Variants in PTPRN2 observed in about 807,000 individuals in gnomAD.
The protein encoded by PTPRN2 is receptor-type tyrosine-protein phosphatase N2.
Under a neutral mutation model 118.8 loss-of-function variants are expected in PTPRN2, and 74 were observed. The observed-to-expected ratio is 0.62, with a 90% CI of 0.52 to 0.76. The LOEUF is 0.76. Among genes scored for constraint, PTPRN2 ranks in the 30% least tolerant of loss-of-function variants. The probability of loss-of-function intolerance (pLI) is 0.00; values close to 1 mark genes in which losing one functional copy is unlikely to be tolerated. For missense variants in PTPRN2, 1,481 were observed against 1,394.4 expected (o/e 1.06, Z -0.99); for synonymous variants, 641 against 608.0 (o/e 1.05, Z -0.80).
chr7:158,249,344 C>T (rs1585979863), intron 3 of PTPRN2, among the ~76,000 whole-genome samples: 2 of 148,708 alleles, frequency 1.3e-5, no homozygotes, highest in South Asian at 4.4e-4. Context: ...CATGCACACA[C>T]ATCACACACA....
intron 12 of PTPRN2, among the ~76,000 whole-genome samples, chr7:157,738,303 C>T (rs574418805): frequency 1.1e-4 from 16 of 152,244 alleles, no homozygotes; most frequent in African/African-American, 3.4e-4. Flanking sequence ...GGGAAGGAGG[C>T]GCCCCAGAGG....
At chr7:158,274,548 C>T (rs1018202748) in intron 3 of PTPRN2, among the ~76,000 whole-genome samples, 1 of 152,138 alleles carries the variant, frequency 6.6e-6, no homozygotes, top group Non-Finnish European at 1.5e-5. Flanking sequence ...GAGCCACAGA[C>T]ACCCTCACAC....
At chr7:157,892,551 C>T (rs751547353) in intron 12 of PTPRN2, among the ~76,000 whole-genome samples, 12 of 152,080 alleles carry the variant, frequency 7.9e-5, no homozygotes, top group Non-Finnish European at 1.5e-4. Context: ...TTGCATTAAA[C>T]GCAAGCGCAG....
At chr7:157,906,695 ACT>A (rs1272374548) in intron 11 of PTPRN2, among the ~76,000 whole-genome samples, 1 of 152,096 alleles carries the variant, frequency 6.6e-6, no homozygotes, top group Non-Finnish European at 1.5e-5. Flanking sequence ...ACTACTGTGC[ACT>A]GTGAGCCTTT....
intron 11 of PTPRN2, among the ~76,000 whole-genome samples, chr7:158,068,157 C>A (rs1275857951): frequency 3.3e-5 from 5 of 152,196 alleles, no homozygotes; most frequent in Non-Finnish European, 7.3e-5. Flanking sequence ...GCCAGCGGCC[C>A]TGACTGAGCA....
At position 157,868,265 on chromosome 7, in the gene PTPRN2, A is replaced by G. The variant is rs958367500; in HGVS notation, c.1788+30408T>C. ...TGGTGGGCTGGGACTCGGCAAGCCCATCTGAACAGGGCTCTCTGCAGGCAG... is the reference window on the plus strand; with the variant it reads ...TGGTGGGCTGGGACTCGGCAAGCCCGTCTGAACAGGGCTCTCTGCAGGCAG... On this transcript the variant is annotated intron_variant, in intron 12 of 22. Coordinates refer to ENST00000389418, the MANE Select transcript of PTPRN2 (RefSeq NM_002847.5). The surrounding 1 kb of genome is among the most constrained non-coding windows in gnomAD (Gnocchi z 5.2). Among the ~76,000 whole-genome samples, 1 of 152,208 alleles carries G rather than the reference A, an allele frequency of 6.6e-6. No individual in the cohort carries two copies. The highest frequency in any genetic ancestry group is 1.9e-4 in the East Asian group (1 of 5,192).
intron 3 of PTPRN2, among the ~76,000 whole-genome samples, chr7:158,270,729 G>T (rs1161855831): frequency 1.3e-5 from 2 of 150,996 alleles, no homozygotes; most frequent in Non-Finnish European, 3.0e-5. Flanking sequence ...TCCCTGGGGT[G>T]CCTTCTCTAC....
At chr7:157,605,756 G>T (rs950884728) in intron 15 of PTPRN2, among the ~76,000 whole-genome samples, 1 of 152,316 alleles carries the variant, frequency 6.6e-6, no homozygotes, top group East Asian at 1.9e-4. Context: ...CCCCATGTCT[G>T]CCCAGCTCTG....
In PTPRN2 at chr7:158,376,740, G is replaced by C. The variant is rs527618114; in HGVS notation, c.164-59808C>G. ...GGACTCTCCCACAGCCCTGTCACAC[G>C]TCCTGAGAGGGGGGTCAGGGGACTC... On this transcript the variant is annotated intron_variant, in intron 2 of 22. Coordinates refer to ENST00000389418, the MANE Select transcript of PTPRN2 (RefSeq NM_002847.5). Among the ~76,000 whole-genome samples the C allele has an allele frequency of 9.2e-5, 11 of 120,192 alleles. No individual in the cohort carries two copies. The East Asian group carries it at 2.7e-3, about 29-fold the overall frequency. The allele number at this position is 120,192 out of a possible 152,430, so 78.9% of individuals were successfully genotyped here. A position where few individuals can be genotyped will look rare whatever the true frequency, so the allele number is the denominator to read the frequency against.
chr7:158,381,378 C>A (rs551667679), intron 2 of PTPRN2, among the ~76,000 whole-genome samples: 3 of 152,176 alleles, frequency 2.0e-5, no homozygotes, highest in South Asian at 4.2e-4. Flanking sequence ...CAAAGTTCCA[C>A]AAATGTCTAG....
intron 5 of PTPRN2, among the ~76,000 whole-genome samples, chr7:158,173,705 A>G (rs139777406): frequency 4.6e-5 from 7 of 152,350 alleles, no homozygotes; most frequent in East Asian, 3.9e-4. Context: ...CTTCAACTGC[A>G]TAAGACAGAC....
intron 12 of PTPRN2, among the ~76,000 whole-genome samples, chr7:157,866,752 G>C (rs574676076): frequency 2.6e-5 from 4 of 151,888 alleles, no homozygotes; most frequent in Non-Finnish European, 5.9e-5. Flanking sequence ...CGAGATGCAC[G>C]GCCACCACCC....
chr7:158,134,987 C>T (rs1818682969), intron 8 of PTPRN2, among the ~76,000 whole-genome samples: 1 of 152,190 alleles, frequency 6.6e-6, no homozygotes, highest in Non-Finnish European at 1.5e-5. Context: ...CCCTGGGCCG[C>T]ACTGCCCTCC....
rs1417059687 is a variant in PTPRN2 at position 158,015,219 on chromosome 7, A to G, written c.1723+66079T>C. On this transcript the variant is annotated intron_variant, in intron 11 of 22. Coordinates refer to ENST00000389418, the MANE Select transcript of PTPRN2 (RefSeq NM_002847.5). The surrounding 1 kb of genome is among the most constrained non-coding windows in gnomAD (Gnocchi z 4.2). ...GAGTGCCAGTCTGTGCCTCATTTCT[A>G]CTCCACGTTGAATCTTTGAATCTAG... is the stretch of plus-strand genomic sequence containing the variant. Among the ~76,000 whole-genome samples, 1 of 151,860 alleles carries G rather than the reference A, an allele frequency of 6.6e-6. No individual in the cohort carries two copies. The highest frequency in any genetic ancestry group is 1.5e-5 in the Non-Finnish European group (1 of 67,956).
chr7:158,125,159 C>T (rs1817529148), intron 9 of PTPRN2, among the ~76,000 whole-genome samples: 2 of 152,240 alleles, frequency 1.3e-5, no homozygotes, highest in East Asian at 3.9e-4. Context: ...TCAAGTGCCT[C>T]CCACGGCCGC....
intron 21 of PTPRN2, among the ~76,000 whole-genome samples, chr7:157,552,760 TG>T (rs1375553997): frequency 2.0e-5 from 3 of 152,140 alleles, no homozygotes; most frequent in African/African-American, 7.2e-5. Context: ...TCACATGACG[TG>T]GGGAAGCTCG....
intron 2 of PTPRN2, among the ~76,000 whole-genome samples, chr7:158,434,090 A>G (rs1023989671): frequency 6.6e-6 from 1 of 152,128 alleles, no homozygotes; most frequent in Non-Finnish European, 1.5e-5. Context: ...AGATTTGTTT[A>G]TCTGATCAAA....
intron 11 of PTPRN2, among the ~76,000 whole-genome samples, chr7:158,019,447 C>G (rs552901979): frequency 6.6e-6 from 1 of 152,232 alleles, no homozygotes; most frequent in Non-Finnish European, 1.5e-5. Flanking sequence ...CTGGAGTGAC[C>G]GTGTCAGACA....
intron 12 of PTPRN2, among the ~76,000 whole-genome samples, chr7:157,802,821 T>C (rs1805399946): frequency 6.6e-6 from 1 of 152,234 alleles, no homozygotes; most frequent in African/African-American, 2.4e-5. Context: ...ATTAGTGATG[T>C]TGAGCATCTT....
Sources: allele counts gnomAD v4.1 joint callset (sites outside exome capture counted in the v4.1 genomes callset), GRCh38; gene constraint gnomAD v4.1.1; non-coding constraint Gnocchi (gnomAD v3.1); transcripts MANE v1.5; gene names NCBI Gene and HGNC (gene_info 2026-07-23, HGNC 2026-07-21).